Variants in HECW2 observed in about 807,000 individuals in gnomAD.
HECW2 encodes E3 ubiquitin-protein ligase HECW2.
HECW2 carries 61 observed loss-of-function variants against 175.2 expected under a neutral mutation model. That is an observed-to-expected ratio of 0.35 (90% CI 0.28 to 0.43). HECW2 has a LOEUF of 0.43. Among genes scored for constraint, HECW2 ranks in the 20% least tolerant of loss-of-function variants. HECW2 has a pLI of 1.00. For synonymous variants in HECW2, 671 were observed against 731.0 expected (o/e 0.92, Z 1.32); for missense variants, 1,524 against 2,000.5 (o/e 0.76, Z 4.54).
At chr2:196,422,618 T>C (rs1695437199) in intron 2 of HECW2, among the ~76,000 whole-genome samples, 1 of 152,096 alleles carries the variant, frequency 6.6e-6, no homozygotes, top group East Asian at 1.9e-4. Flanking sequence ...TCCTTTGTTC[T>C]GTTAAGCCCT....
intron 13 of HECW2, among the ~76,000 whole-genome samples, chr2:196,301,923 A>T (rs1050168827): frequency 6.6e-6 from 1 of 152,014 alleles, no homozygotes; most frequent in Non-Finnish European, 1.5e-5. Context: ...TTTTGTTGCA[A>T]TTGCTTTTGG....
intron 1 of HECW2, among the ~76,000 whole-genome samples, chr2:196,509,449 G>A (rs575256067): frequency 6.6e-6 from 1 of 152,336 alleles, no homozygotes; most frequent in East Asian, 1.9e-4. Context: ...TTCCCTGGAA[G>A]TCAAGGAGTA....
intron 1 of HECW2, among the ~76,000 whole-genome samples, chr2:196,581,164 G>C (rs1690765539): frequency 6.6e-6 from 1 of 152,194 alleles, no homozygotes; most frequent in Non-Finnish European, 1.5e-5. Context: ...TGGGTATGTA[G>C]TTTCTATTTA....
intron 1 of HECW2, among the ~76,000 whole-genome samples, chr2:196,522,515 G>A (rs1688441232): frequency 1.3e-5 from 2 of 151,608 alleles, no homozygotes; most frequent in South Asian, 4.2e-4. Context: ...GGCTTTTGTT[G>A]CCATTGCTTT....
At chr2:196,362,993 C>A (rs989275499) in intron 2 of HECW2, among the ~76,000 whole-genome samples, 5 of 152,142 alleles carry the variant, frequency 3.3e-5, no homozygotes, top group African/African-American at 9.7e-5. Flanking sequence ...TTGATGGCTG[C>A]AATTACCTCT....
intron 13 of HECW2, among the ~76,000 whole-genome samples, chr2:196,305,731 CCT>C (rs1312364130): frequency 6.6e-6 from 1 of 152,068 alleles, no homozygotes; most frequent in East Asian, 1.9e-4. Flanking sequence ...TTGTCAACTC[CCT>C]GTCTGCGATT....
At chr2:196,378,783 TAAG>T (rs1694120784) in intron 2 of HECW2, among the ~76,000 whole-genome samples, 1 of 152,134 alleles carries the variant, frequency 6.6e-6, no homozygotes, top group African/African-American at 2.4e-5. Flanking sequence ...TTTCAATGCA[TAAG>T]AAAATAATAT....
intron 28 of HECW2, among the ~76,000 whole-genome samples, chr2:196,212,474 G>A (rs1687326514): frequency 6.6e-6 from 1 of 152,134 alleles, no homozygotes. Flanking sequence ...GTGTTAGTTT[G>A]CTAAGGATAA....
At chr2:196,538,893 C>T (rs1042727644) in intron 1 of HECW2, among the ~76,000 whole-genome samples, 1 of 152,164 alleles carries the variant, frequency 6.6e-6, no homozygotes, top group Non-Finnish European at 1.5e-5. Context: ...CGCACCACCA[C>T]AGCAGTTTCC....
chr2:196,308,406 A>G (rs1691351821), intron 10 of HECW2, among the ~76,000 whole-genome samples: 1 of 152,190 alleles, frequency 6.6e-6, no homozygotes, highest in Non-Finnish European at 1.5e-5. Context: ...TGGTTTCATA[A>G]CACTTCAGAT....
intron 13 of HECW2, among the ~76,000 whole-genome samples, chr2:196,295,914 T>C (rs1690794364): frequency 6.6e-6 from 1 of 152,178 alleles, no homozygotes. Flanking sequence ...GCAAAGAGCA[T>C]CTACCAAAGT....
intron 2 of HECW2, 98 bp from the exon 3 acceptor site, chr2:196,343,862 A>C: frequency 1.2e-6 from 1 of 808,376 alleles, no homozygotes. Context: ...AAAAAAGATA[A>C]ATGAGAAAAT....
chr2:196,237,234 G>A (rs867758710), intron 21 of HECW2, among the ~76,000 whole-genome samples: 5 of 152,226 alleles, frequency 3.3e-5, no homozygotes, highest in Non-Finnish European at 2.9e-5. Flanking sequence ...AACAGGTGGT[G>A]TTTGGTTATA....
At chr2:196,568,333 G>C (rs1238248994) in intron 1 of HECW2, among the ~76,000 whole-genome samples, 2 of 152,124 alleles carry the variant, frequency 1.3e-5, no homozygotes, top group African/African-American at 4.8e-5. Context: ...AACTCAAACA[G>C]TACTTAGTTT....
At chr2:196,345,437 G>A (rs997940180) in intron 2 of HECW2, among the ~76,000 whole-genome samples, 4 of 152,202 alleles carry the variant, frequency 2.6e-5, no homozygotes, top group African/African-American at 9.7e-5. Flanking sequence ...AATGTAAGTG[G>A]AAGTCTACTA....
intron 1 of HECW2, among the ~76,000 whole-genome samples, chr2:196,481,382 C>T (rs1488900161): frequency 6.6e-6 from 1 of 152,198 alleles, no homozygotes; most frequent in Non-Finnish European, 1.5e-5. Context: ...CGAAAGTAAG[C>T]TTCACAGTTG....
intron 1 of HECW2, among the ~76,000 whole-genome samples, chr2:196,520,723 T>C (rs1009142841): frequency 6.6e-6 from 1 of 152,174 alleles, no homozygotes; most frequent in Non-Finnish European, 1.5e-5. Context: ...AAAACAGTTT[T>C]TCCACTGTAG....
rs1694017114 is a variant in HECW2, at chr2:196,375,168, A to G, written c.293-31404T>C. Reference sequence around the variant, plus strand: ...AGTAAGACTCAGTCTCAAAAAAAAAAAAGAAAGAAAAAAAAGAAAAAGAAA... The same window carrying G: ...AGTAAGACTCAGTCTCAAAAAAAAAGAAGAAAGAAAAAAAAGAAAAAGAAA... On this transcript the variant is annotated intron_variant, in intron 2 of 28. Coordinates refer to ENST00000644978, the MANE Select transcript of HECW2 (RefSeq NM_001348768.2). 2.8e-5 allele frequency among the ~76,000 whole-genome samples: 4 copies of G among 142,080 alleles called. 1 individual carries two copies. The South Asian group carries it at 8.7e-4, about 31-fold the overall frequency. The allele number at this position is 142,080 out of a possible 152,430, so 93.2% of individuals were successfully genotyped here.
At chr2:196,304,457 C>T (rs777787127) in intron 13 of HECW2, among the ~76,000 whole-genome samples, 2 of 152,166 alleles carry the variant, frequency 1.3e-5, no homozygotes, top group Non-Finnish European at 1.5e-5. Flanking sequence ...CACTACAGTA[C>T]CTGCATTATC....
Sources: allele counts gnomAD v4.1 joint callset (sites outside exome capture counted in the v4.1 genomes callset), GRCh38; gene constraint gnomAD v4.1.1; transcripts MANE v1.5; gene names NCBI Gene and HGNC (gene_info 2026-07-23, HGNC 2026-07-21).